Variants in WWC2 observed in about 807,000 individuals in gnomAD.
WWC2 encodes WW and C2 domain containing 2, also known as protein WWC2.
In WWC2, 101 loss-of-function variants were observed where a neutral mutation model predicts 138.5. The observed-to-expected ratio is 0.73, with a 90% CI of 0.62 to 0.86. The LOEUF is 0.86. WWC2 is among the 40% of genes least tolerant of loss of function. The pLI, the probability that WWC2 is intolerant of heterozygous loss-of-function variation, is 0.00. For missense variants in WWC2, 1,420 were observed against 1,419.4 expected (o/e 1.00, Z -0.01); for synonymous variants, 558 against 538.4 (o/e 1.04, Z -0.50).
rs3814422 is a variant in WWC2, at chr4:183,282,733, G to C, written c.2710G>C (p.Asp904His). Residue 904 changes from aspartate (D) to histidine (H), a missense_variant, in exon 18 of 23, where the codon GAT (aspartate) becomes CAT (histidine). Transcript: ENST00000403733. Reference protein sequence around the residue: ...DWLTMLREASDEIVAEKEAEV... With the variant: ...DWLTMLREASHEIVAEKEAEV... ...GCTAACAATGCTAAGAGAGGCCTCT[G>C]ATGAAATTGTGGCTGAAAAAGAGGC... The C allele has an allele frequency of 0.28, 436,265 of 1,573,694 alleles. 62,397 individuals carry two copies. Among genetic ancestry groups the C allele is most frequent in the Admixed American group, 0.42 (22,530 of 53,596 alleles).
chr4:183,128,838 A>G (rs1432616572), intron 1 of WWC2, among the ~76,000 whole-genome samples: 1 of 152,252 alleles, frequency 6.6e-6, no homozygotes, highest in African/African-American at 2.4e-5. Flanking sequence ...GTCCCAGAAC[A>G]ATCTCATGCA....
chr4:183,220,815 C>A (rs996451771), intron 4 of WWC2, among the ~76,000 whole-genome samples: 1 of 144,740 alleles, frequency 6.9e-6, no homozygotes, highest in East Asian at 2.0e-4. Context: ...GCCTGGGCGA[C>A]AGAGCGAGAC....
intron 1 of WWC2, among the ~76,000 whole-genome samples, chr4:183,176,349 T>A (rs1734467060): frequency 6.6e-6 from 1 of 152,188 alleles, no homozygotes; most frequent in African/African-American, 2.4e-5. Context: ...GCCCCGGAGC[T>A]TAAAAAAATC....
chr4:183,114,071 C>T (rs1732336256), intron 1 of WWC2, among the ~76,000 whole-genome samples: 1 of 152,092 alleles, frequency 6.6e-6, no homozygotes, highest in Admixed American at 6.5e-5. Flanking sequence ...GAATATGTGT[C>T]CCCACTATTG....
At chr4:183,303,566 T>C (rs1738929851) in intron 21 of WWC2, among the ~76,000 whole-genome samples, 1 of 152,138 alleles carries the variant, frequency 6.6e-6, no homozygotes. Flanking sequence ...CTAATATGAG[T>C]GTAGGAGGAG....
At position 183,256,847 on chromosome 4, in the gene WWC2, T is replaced by TG. The variant is rs1737158825; in HGVS notation, c.1197-2791dup. Among the ~76,000 whole-genome samples, 3 of 144,024 alleles carry TG rather than the reference T, an allele frequency of 2.1e-5. No homozygotes were observed. The South Asian group carries it at 6.4e-4, about 31-fold the overall frequency. 94.5% of individuals were successfully genotyped at this position (144,024 alleles called of 152,430 possible). On this transcript the variant is annotated intron_variant, in intron 9 of 22. Transcript: ENST00000403733. The stretch of plus-strand genomic sequence containing the variant: ...AACGTTGGTGTCTGAAGGAGCTAGA[T>TG]GCACATGAATTTTCAGTCTCTGAGT...
chr4:183,284,277 C>T lies in WWC2; in HGVS notation c.2935C>T (p.Arg979Cys), dbSNP rs45470696. ...DEAANDNMAV[R>C]PKERSSLSSR... ...AGCCGCTAATGACAATATGGCAGTT[C>T]GCCCCAAAGAGCGCAGCAGCCTGAG... The change falls in exon 19 of 23, where the codon CGC becomes TGC. Residue 979 changes from arginine to cysteine, a missense_variant. Coordinates refer to ENST00000403733, the MANE Select transcript of WWC2 (RefSeq NM_024949.6). 9,249 of 1,613,948 alleles carry T rather than the reference C, an allele frequency of 5.7e-3. 35 individuals carry two copies. The highest frequency in any genetic ancestry group is 7.1e-3 in the Non-Finnish European group (8,325 of 1,179,880).
At position 183,256,896 on chromosome 4, in the gene WWC2, C is replaced by G. The variant is rs369282706; in HGVS notation, c.1197-2743C>G. 8.6e-5 allele frequency among the ~76,000 whole-genome samples: 9 copies of G among 104,594 alleles called. 1 individual carries two copies. The highest frequency in any genetic ancestry group is 3.3e-4 in the East Asian group (1 of 3,046). The allele number at this position is 104,594 out of a possible 152,430, so 68.6% of individuals were successfully genotyped here. ...GTGTGATCCTACAGCCCCCCCCCCC[C>G]CCCCCCCGGCTCTGTTCCTGCCCCC... On this transcript the variant is annotated intron_variant, in intron 9 of 22. Transcript: ENST00000403733.
chr4:183,153,956 AT>A (rs111470959), intron 1 of WWC2, among the ~76,000 whole-genome samples: 4,047 of 132,260 alleles, frequency 0.031, 198 homozygotes, highest in African/African-American at 0.11. Flanking sequence ...AACAGTCATG[AT>A]TAGTGGACTT....
chr4:183,234,823 T>G (rs1017197347), intron 4 of WWC2, among the ~76,000 whole-genome samples: 2 of 152,172 alleles, frequency 1.3e-5, no homozygotes, highest in Non-Finnish European at 2.9e-5. Flanking sequence ...AGAGTCTACA[T>G]TGTGCTAAGC....
intron 1 of WWC2, among the ~76,000 whole-genome samples, chr4:183,153,886 C>T (rs1733717273): frequency 6.6e-6 from 1 of 151,306 alleles, no homozygotes; most frequent in Admixed American, 6.6e-5. Context: ...CTCAAGCAGT[C>T]ACCCACCTCA....
chr4:183,281,029 A>G, intron 17 of WWC2, 132 bp downstream of exon 17: 1 of 1,321,100 alleles, frequency 7.6e-7, no homozygotes, highest in Non-Finnish European at 9.9e-7. Context: ...AAGCTGTGCT[A>G]GGAAAAGTCT....
At chr4:183,205,873 C>G (rs1735432824) in intron 2 of WWC2, among the ~76,000 whole-genome samples, 1 of 152,260 alleles carries the variant, frequency 6.6e-6, no homozygotes, top group Middle Eastern at 3.4e-3. Context: ...CTATAGCGTC[C>G]CAGTTGTCCT....
Position 183,248,708 on chromosome 4 carries a change from G to T in WWC2, c.733-6G>T. Reference sequence around the variant, plus strand: ...CTTTATGAAACACTTTGTGTTTTCTGAACAGAGTCTTGCTAAGCTGCAGGA... The same window carrying T: ...CTTTATGAAACACTTTGTGTTTTCTTAACAGAGTCTTGCTAAGCTGCAGGA... On this transcript the variant is annotated splice_polypyrimidine_tract_variant and splice_region_variant and intron_variant, in intron 6 of 22. Transcript: ENST00000403733. 6.3e-7 allele frequency: 1 copy of T among 1,586,728 alleles called. No individual in the cohort carries two copies. The highest frequency in any genetic ancestry group is 8.6e-7 in the Non-Finnish European group (1 of 1,163,588).
intron 16 of WWC2, among the ~76,000 whole-genome samples, chr4:183,275,139 T>G (rs978774600): frequency 1.5e-5 from 2 of 135,020 alleles, no homozygotes; most frequent in South Asian, 4.5e-4. Flanking sequence ...TTTAAGTGTT[T>G]GTTGCACAGT....
chr4:183,282,586 G>T, intron 17 of WWC2, 122 bp from the exon 18 acceptor site: 2 of 1,000,072 alleles, frequency 2.0e-6, no homozygotes, highest in Non-Finnish European at 2.9e-6. Context: ...CCCAGCCAAA[G>T]AAATGGCTTG....
chr4:183,307,326 A>G (rs1579075904), intron 21 of WWC2, among the ~76,000 whole-genome samples: 1 of 152,228 alleles, frequency 6.6e-6, no homozygotes, highest in African/African-American at 2.4e-5. Context: ...ATTTTGGAGG[A>G]CAGCCACTGA....
At chr4:183,303,250 T>G (rs955727174) in intron 21 of WWC2, among the ~76,000 whole-genome samples, 1 of 152,188 alleles carries the variant, frequency 6.6e-6, no homozygotes, top group African/African-American at 2.4e-5. Context: ...TGCAAGTAAC[T>G]TCTGCAAATA....
intron 1 of WWC2, among the ~76,000 whole-genome samples, chr4:183,156,343 T>G (rs1289321077): frequency 2.1e-4 from 31 of 150,284 alleles, no homozygotes; most frequent in African/African-American, 7.6e-4. Flanking sequence ...CTTTTTTTTT[T>G]TTTTTTTTTT....
Sources: allele counts gnomAD v4.1 joint callset (sites outside exome capture counted in the v4.1 genomes callset), GRCh38; gene constraint gnomAD v4.1.1; transcripts MANE v1.5; gene names NCBI Gene and HGNC (gene_info 2026-07-23, HGNC 2026-07-21).